LRRTM3: variants seen among roughly 807,000 people sequenced by gnomAD.
LRRTM3 encodes the protein leucine-rich repeat transmembrane neuronal protein 3.
A neutral mutation model predicts 44.7 loss-of-function variants in LRRTM3; 24 were observed. That is an observed-to-expected ratio of 0.54 (90% CI 0.39 to 0.76). LRRTM3 has a LOEUF of 0.76. Ranked by LOEUF, LRRTM3 falls within the 30% of genes least tolerant of loss-of-function variation. The pLI is 0.00. For synonymous variants in LRRTM3, 277 were observed against 278.7 expected (o/e 0.99, Z 0.06); for missense variants, 587 against 702.2 (o/e 0.84, Z 1.85).
intron 2 of LRRTM3, among the ~76,000 whole-genome samples, chr10:67,008,179 A>T (rs1020222818): frequency 6.6e-6 from 1 of 152,058 alleles, no homozygotes; most frequent in Non-Finnish European, 1.5e-5. Context: ...TTCAGGAAAA[A>T]CTTATGCTTT....
chr10:66,997,872 C>T (rs933853073), intron 2 of LRRTM3, among the ~76,000 whole-genome samples: 2 of 152,122 alleles, frequency 1.3e-5, no homozygotes, highest in Admixed American at 1.3e-4. Flanking sequence ...ACTCCATCCC[C>T]ACACTCCTAA....
chr10:66,966,757 T>C (rs1849436666), intron 2 of LRRTM3, among the ~76,000 whole-genome samples: 1 of 152,010 alleles, frequency 6.6e-6, no homozygotes, highest in African/African-American at 2.4e-5. Context: ...CTTAGCAGGG[T>C]TCTAAATCTG....
intron 2 of LRRTM3, among the ~76,000 whole-genome samples, chr10:66,931,616 T>C (rs16923797): frequency 0.02 from 3,100 of 152,342 alleles, 112 homozygotes; most frequent in East Asian, 0.19. Flanking sequence ...TGAATCCTTA[T>C]GTAAACGTGG....
chr10:67,042,251 C>A (rs1854440486), intron 2 of LRRTM3, among the ~76,000 whole-genome samples: 1 of 151,928 alleles, frequency 6.6e-6, no homozygotes, highest in Non-Finnish European at 1.5e-5. Context: ...AAGCCTGAAC[C>A]CAAATGGGCA....
intron 2 of LRRTM3, among the ~76,000 whole-genome samples, chr10:66,996,649 C>CAAAAAAAAAAAAAAAAAAAAAAA (rs57025097): frequency 7.4e-5 from 5 of 67,644 alleles, no homozygotes; most frequent in Admixed American, 2.7e-4. Flanking sequence ...TCCGTCTCTA[C>CAAAAAAAAAAAAAAAAAAAAAAA]AAAAAAAAAA....
intron 2 of LRRTM3, among the ~76,000 whole-genome samples, chr10:67,089,717 ATGTG>A (rs71006125): frequency 0.014 from 2,027 of 144,716 alleles, 39 homozygotes; most frequent in African/African-American, 0.04. Context: ...GTATATACAT[ATGTG>A]TGTGTGTGTG....
At chr10:67,032,014 T>C (rs527673436) in intron 2 of LRRTM3, among the ~76,000 whole-genome samples, 1 of 152,332 alleles carries the variant, frequency 6.6e-6, no homozygotes, top group South Asian at 2.1e-4. Flanking sequence ...ATAAAATGGT[T>C]TATGGCCATG....
intron 2 of LRRTM3, among the ~76,000 whole-genome samples, chr10:66,944,801 A>T (rs1166045648): frequency 6.6e-6 from 1 of 152,204 alleles, no homozygotes; most frequent in African/African-American, 2.4e-5. Flanking sequence ...AGCAGGCATG[A>T]AAACAACATT....
At chr10:66,980,910 A>G (rs187839127) in intron 2 of LRRTM3, among the ~76,000 whole-genome samples, 152 of 151,834 alleles carry the variant, frequency 1.0e-3, no homozygotes, top group Admixed American at 3.0e-3. Context: ...TTTCTTTTTT[A>G]TTTATTTATT....
At chr10:67,048,874 T>G (rs1854912706) in intron 2 of LRRTM3, among the ~76,000 whole-genome samples, 1 of 152,158 alleles carries the variant, frequency 6.6e-6, no homozygotes, top group Non-Finnish European at 1.5e-5. Context: ...TTCTCCTCCT[T>G]TTTATAAAAC....
intron 2 of LRRTM3, among the ~76,000 whole-genome samples, chr10:66,959,522 C>T (rs959123688): frequency 1.3e-5 from 2 of 152,160 alleles, no homozygotes; most frequent in African/African-American, 4.8e-5. Flanking sequence ...TCTAAGGGCT[C>T]TGCCCCTGGT....
chr10:67,004,578 C>T (rs956930555), intron 2 of LRRTM3, among the ~76,000 whole-genome samples: 2 of 152,032 alleles, frequency 1.3e-5, no homozygotes, highest in South Asian at 4.1e-4. Flanking sequence ...ATCATTATTG[C>T]CTGTAACCTT....
intron 2 of LRRTM3, among the ~76,000 whole-genome samples, chr10:66,930,383 T>C (rs1450534029): frequency 2.0e-5 from 3 of 152,336 alleles, no homozygotes; most frequent in South Asian, 2.1e-4. Flanking sequence ...ACTGAGCTTA[T>C]TGTGATTTTT....
At chr10:66,970,840 T>C (rs1849682298) in intron 2 of LRRTM3, among the ~76,000 whole-genome samples, 1 of 152,180 alleles carries the variant, frequency 6.6e-6, no homozygotes, top group South Asian at 2.1e-4. Flanking sequence ...CTCTGTGTAT[T>C]ATTTCCTCTT....
intron 2 of LRRTM3, chr10:67,054,506 C>G (rs1041958742): frequency 5.3e-5 from 8 of 152,118 alleles, no homozygotes; most frequent in Admixed American, 3.3e-4. Context: ...AATATGGGTT[C>G]AACAATGGCG....
Position 66,926,966 on chromosome 10 carries a change from T to G in LRRTM3, c.50T>G (p.Val17Gly). The change falls in exon 2 of 3, where the codon GTT becomes GGT. Residue 17 changes from valine (V) to glycine (G), a missense_variant. By Grantham distance (109) the Val-to-Gly change is moderately radical (BLOSUM62 -3). Transcript: ENST00000361320. ...CTGAGCGGATCAGCTGTAGCACTGG[T>G]TATAGCCCCCACTGTCTTACTGACA... Reference protein sequence around the residue: ...RLLSGSAVALVIAPTVLLTML... With the variant: ...RLLSGSAVALGIAPTVLLTML... 1.2e-6 allele frequency: 2 copies of G among 1,613,922 alleles called. No individual in the cohort carries two copies. The highest frequency in any genetic ancestry group is 1.7e-6 in the Non-Finnish European group (2 of 1,179,908).
chr10:66,946,875 G>A (rs74637031), intron 2 of LRRTM3, among the ~76,000 whole-genome samples: 2,525 of 152,190 alleles, frequency 0.017, 55 homozygotes, highest in African/African-American at 0.057. Flanking sequence ...TCCACAGCAT[G>A]AATGACTCAG....
intron 2 of LRRTM3, among the ~76,000 whole-genome samples, chr10:66,961,847 C>T (rs1849124020): frequency 6.6e-6 from 1 of 152,086 alleles, no homozygotes; most frequent in Non-Finnish European, 1.5e-5. Flanking sequence ...AAACCTATTC[C>T]TCCTCTAATA....
intron 2 of LRRTM3, among the ~76,000 whole-genome samples, chr10:67,028,446 TA>T (rs528843870): frequency 5.0e-4 from 74 of 147,134 alleles, no homozygotes; most frequent in East Asian, 1.6e-3. Flanking sequence ...CAGTCTTTAT[TA>T]AAAAAAAAAA....
Sources: gnomAD v4.1 joint callset for allele counts (sites outside exome capture counted in the v4.1 genomes callset) on GRCh38, gnomAD v4.1.1 for gene constraint, MANE v1.5 for transcripts, NCBI Gene and HGNC (gene_info 2026-07-23, HGNC 2026-07-21) for gene names.